The following RPS6KA2 variants were observed in gnomAD, a reference collection of about 807,000 sequenced individuals.
RPS6KA2 encodes ribosomal protein S6 kinase alpha-2.
In RPS6KA2, 42 loss-of-function variants were observed where a neutral mutation model predicts 91.8. The observed-to-expected ratio is 0.46, with a 90% CI of 0.36 to 0.59. The LOEUF (loss-of-function observed/expected upper bound fraction) is 0.59, where lower values mean the gene tolerates loss of function less well. RPS6KA2 is among the 20% of genes least tolerant of loss of function. The probability of loss-of-function intolerance (pLI) is 0.00; values close to 1 mark genes in which losing one functional copy is unlikely to be tolerated. For missense variants in RPS6KA2, 798 were observed against 978.5 expected (o/e 0.82, Z 2.46); for synonymous variants, 414 against 393.6 (o/e 1.05, Z -0.61).
At chr6:166,724,922 T>C (rs189784075) in intron 2 of RPS6KA2, among the ~76,000 whole-genome samples, 44 of 152,342 alleles carry the variant, frequency 2.9e-4, no homozygotes, top group Non-Finnish European at 2.9e-5. Flanking sequence ...ACTTAGTTTT[T>C]CCACCCATTC....
At chr6:166,622,376 AC>A (rs2128541192) in intron 1 of RPS6KA2, among the ~76,000 whole-genome samples, 1 of 152,350 alleles carries the variant, frequency 6.6e-6, no homozygotes, top group African/African-American at 2.4e-5. Flanking sequence ...AAAAAGAAGA[AC>A]AAATTCCAAT....
chr6:166,820,558 T>C (rs188977104), intron 2 of RPS6KA2, among the ~76,000 whole-genome samples: 43 of 152,354 alleles, frequency 2.8e-4, no homozygotes, highest in Admixed American at 2.7e-3. Context: ...CCTGATACCA[T>C]GCAATTTAAA....
chr6:166,693,265 A>T (rs1789261618), intron 2 of RPS6KA2, among the ~76,000 whole-genome samples: 1 of 152,206 alleles, frequency 6.6e-6, no homozygotes, highest in Non-Finnish European at 1.5e-5. Context: ...TGAAATCCAG[A>T]TGTTCTGGGA....
intron 2 of RPS6KA2, among the ~76,000 whole-genome samples, chr6:166,680,684 C>G (rs180685122): frequency 1.3e-5 from 2 of 152,138 alleles, no homozygotes; most frequent in African/African-American, 4.8e-5. Context: ...CTAAAGTCAG[C>G]GAGACCATGA....
At chr6:166,804,570 C>T (rs1427754530) in intron 2 of RPS6KA2, among the ~76,000 whole-genome samples, 1 of 151,582 alleles carries the variant, frequency 6.6e-6, no homozygotes, top group Non-Finnish European at 1.5e-5. Context: ...AGCCCACAAA[C>T]CCATAAAAAT....
At chr6:166,681,607 C>T (rs533278280) in intron 2 of RPS6KA2, among the ~76,000 whole-genome samples, 1 of 151,562 alleles carries the variant, frequency 6.6e-6, no homozygotes, top group East Asian at 1.9e-4. Context: ...GAAAACTGTT[C>T]CTGGTGATTC....
chr6:166,840,269 C>A (rs2128629547), intron 2 of RPS6KA2, among the ~76,000 whole-genome samples: 1 of 152,204 alleles, frequency 6.6e-6, no homozygotes, highest in Non-Finnish European at 1.5e-5. Flanking sequence ...TCCACTGGAC[C>A]AGAACCTGAA....
chr6:166,628,765 C>G (rs1171865779), upstream of RPS6KA2, among the ~76,000 whole-genome samples: 1 of 152,230 alleles, frequency 6.6e-6, no homozygotes, highest in Admixed American at 6.5e-5. Context: ...TGAAACCTGT[C>G]TCACCTCCCT....
chr6:166,593,597 C>A (rs943460930), intron 1 of RPS6KA2, among the ~76,000 whole-genome samples: 2 of 151,860 alleles, frequency 1.3e-5, no homozygotes, highest in South Asian at 2.1e-4. Flanking sequence ...GATTTGGTTA[C>A]ATTAAAATTG....
chr6:166,716,076 A>AAGAAAGAC, intron 2 of RPS6KA2, among the ~76,000 whole-genome samples: 1 of 151,184 alleles, frequency 6.6e-6, no homozygotes, highest in African/African-American at 2.4e-5. Flanking sequence ...GAAAGAAAGA[A>AAGAAAGAC]AGAAAAGCTG....
At chr6:166,721,167 G>A (rs1790161861) in intron 2 of RPS6KA2, among the ~76,000 whole-genome samples, 1 of 152,144 alleles carries the variant, frequency 6.6e-6, no homozygotes, top group Non-Finnish European at 1.5e-5. Context: ...CTAATGAAAT[G>A]GTTTAACATC....
chr6:166,638,645 T>C (rs1004583067), intron 2 of RPS6KA2, among the ~76,000 whole-genome samples: 1 of 152,234 alleles, frequency 6.6e-6, no homozygotes, highest in Admixed American at 6.5e-5. Context: ...GTTCAGATCC[T>C]ATGACCTGAC....
chr6:166,547,878 A>G (rs1783880022), intron 1 of RPS6KA2, among the ~76,000 whole-genome samples: 1 of 152,236 alleles, frequency 6.6e-6, no homozygotes, highest in African/African-American at 2.4e-5. Context: ...TATTCTGTAC[A>G]AATTCCATGG....
chr6:166,624,935 G>GC (rs1293577493), intron 1 of RPS6KA2, among the ~76,000 whole-genome samples: 6 of 152,060 alleles, frequency 3.9e-5, no homozygotes, highest in African/African-American at 1.4e-4. Context: ...CCTGGTTCAA[G>GC]CGATTCTCCT....
At chr6:166,848,516 C>T (rs1780660513) in intron 2 of RPS6KA2, among the ~76,000 whole-genome samples, 1 of 152,178 alleles carries the variant, frequency 6.6e-6, no homozygotes, top group African/African-American at 2.4e-5. Flanking sequence ...AAATGCCCAT[C>T]AGTCAATTAG....
Position 166,727,060 on chromosome 6 carries a change from C to T in RPS6KA2, c.123+131140G>A, listed in dbSNP as rs768493355. On this transcript the variant is annotated intron_variant, in intron 2 of 21. Coordinates refer to the RPS6KA2 transcript ENST00000503859. ...ACTCTGAGATGGACACTGCTGTGTT[C>T]GTTCACCAGGACCACATATCCCAAC... 9.9e-5 allele frequency among the ~76,000 whole-genome samples: 15 copies of T among 152,140 alleles called. 1 individual carries two copies. Among genetic ancestry groups the T allele is most frequent in the Admixed American group, 2.6e-4 (4 of 15,282 alleles).
At chr6:166,582,505 T>C in intron 1 of RPS6KA2, among the ~76,000 whole-genome samples, 1 of 152,210 alleles carries the variant, frequency 6.6e-6, no homozygotes. Flanking sequence ...CGATCACAAA[T>C]TACATTCCAC....
At position 166,533,436 on chromosome 6, in the gene RPS6KA2, G is replaced by A. The variant is rs1250082832; in HGVS notation, c.217-2123C>T. Among the ~76,000 whole-genome samples, 1 of 152,248 alleles carries A rather than the reference G, an allele frequency of 6.6e-6. No individual in the cohort carries two copies. The highest frequency in any genetic ancestry group is 1.9e-4 in the East Asian group (1 of 5,188). ...AGGAACCTGGGTCCCAAAAAAGTCG[G>A]AGGGGGTGTGGAACAAGGGACAGTT... On this transcript the variant is annotated intron_variant, in intron 2 of 20. Transcript: ENST00000265678. This position sits in a 1 kb window ranked among gnomAD's most constrained non-coding sequence, Gnocchi z 4.0.
rs1295716839 is a variant in RPS6KA2 at position 166,612,505 on chromosome 6, C to T, written c.99+14416G>A. On this transcript the variant is annotated intron_variant, in intron 1 of 20. Transcript: ENST00000265678. The surrounding 1 kb of genome is among the most constrained non-coding windows in gnomAD (Gnocchi z 4.3). ...GCGGGCTTGCAACCAGGCACTCTTC[C>T]TCTCTCCCTCCATGACAGACCAGGG... is the stretch of plus-strand genomic sequence containing the variant. 2.0e-5 allele frequency among the ~76,000 whole-genome samples: 3 copies of T among 152,164 alleles called. No individual in the cohort carries two copies. Among genetic ancestry groups the T allele is most frequent in the African/African-American group, 7.2e-5 (3 of 41,450 alleles).
Sources: allele counts gnomAD v4.1 joint callset (sites outside exome capture counted in the v4.1 genomes callset), GRCh38; gene constraint gnomAD v4.1.1; non-coding constraint Gnocchi (gnomAD v3.1); transcripts MANE v1.5; gene names NCBI Gene and HGNC (gene_info 2026-07-23, HGNC 2026-07-21).